DLC1: variants seen among roughly 807,000 people sequenced by gnomAD.
DLC1 encodes DLC1 Rho GTPase activating protein.
In DLC1, 54 loss-of-function variants were observed where a neutral mutation model predicts 140.3. The observed-to-expected ratio is 0.38, with a 90% CI of 0.31 to 0.48. The LOEUF is 0.48. DLC1 is among the 20% of genes least tolerant of loss of function. The pLI is 0.96. For missense variants in DLC1, 2,536 were observed against 1,907.0 expected, an observed-to-expected ratio of 1.33 and a Z score of -6.14; for synonymous variants, 986 against 728.1, an observed-to-expected ratio of 1.35 and a Z score of -5.70.
upstream of DLC1, among the ~76,000 whole-genome samples, chr8:13,516,542 C>A (rs969113548): frequency 6.6e-6 from 1 of 152,050 alleles, no homozygotes; most frequent in Admixed American, 6.6e-5. Flanking sequence ...ATATTAGACC[C>A]ATGTTAGATG....
At chr8:13,093,017 T>C (rs914404839) in intron 12 of DLC1, among the ~76,000 whole-genome samples, 192 bp from the exon 13 acceptor site, 4 of 152,178 alleles carry the variant, frequency 2.6e-5, no homozygotes, top group African/African-American at 7.2e-5. Flanking sequence ...AAGTATTTCC[T>C]GCCTCATGAA....
chr8:13,086,185 C>G, intron 17 of DLC1, 105 bp downstream of exon 17: 1 of 1,456,632 alleles, frequency 6.9e-7, no homozygotes, highest in Non-Finnish European at 9.2e-7. Context: ...ATGAAGTCAC[C>G]AAGAAAAAAT....
chr8:13,243,144 G>A (rs931819020), intron 5 of DLC1, among the ~76,000 whole-genome samples: 7 of 152,032 alleles, frequency 4.6e-5, no homozygotes, highest in African/African-American at 1.4e-4. Flanking sequence ...ACAAAAATTA[G>A]CCAAGCATGG....
intron 5 of DLC1, among the ~76,000 whole-genome samples, chr8:13,172,103 A>C (rs1825518155): frequency 6.6e-6 from 1 of 152,238 alleles, no homozygotes; most frequent in South Asian, 2.1e-4. Context: ...TTCTTACGAT[A>C]ACAAAACATT....
intron 4 of DLC1, among the ~76,000 whole-genome samples, chr8:13,359,456 A>G (rs1835117792): frequency 6.6e-6 from 1 of 152,150 alleles, no homozygotes. Flanking sequence ...TCTGCTAATA[A>G]TATGCACCTG....
intron 5 of DLC1, among the ~76,000 whole-genome samples, chr8:13,135,004 G>C (rs1280266846): frequency 1.3e-5 from 2 of 152,118 alleles, no homozygotes; most frequent in Non-Finnish European, 2.9e-5. Context: ...GAGGGCCCAG[G>C]AAATGGAGAT....
At chr8:13,086,136 C>T in intron 17 of DLC1, 154 bp downstream of exon 17, 1 of 1,333,806 alleles carries the variant, frequency 7.5e-7, no homozygotes, top group Non-Finnish European at 1.0e-6. Flanking sequence ...GCTGAAAGAC[C>T]AACAAACATG....
intron 1 of DLC1, among the ~76,000 whole-genome samples, chr8:13,544,995 C>T (rs935049087): frequency 6.6e-6 from 1 of 152,110 alleles, no homozygotes; most frequent in Non-Finnish European, 1.5e-5. Context: ...TGGAACTGTG[C>T]AGTACTGCAG....
intron 2 of DLC1, among the ~76,000 whole-genome samples, chr8:13,427,798 T>C (rs960830725): frequency 9.2e-5 from 14 of 152,206 alleles, no homozygotes; most frequent in Admixed American, 8.5e-4. Flanking sequence ...ATTGCATGCT[T>C]TTATTCTGAG....
At chr8:13,531,926 A>G (rs1468557829) in intron 1 of DLC1, among the ~76,000 whole-genome samples, 2 of 152,222 alleles carry the variant, frequency 1.3e-5, no homozygotes, top group African/African-American at 4.8e-5. Context: ...ATCCACTTAC[A>G]GAACTTTAAC....
rs138075719 is a variant in DLC1, at chr8:13,388,603, G to A, written c.1314+4950C>T. ...TATAGTTAAGAATTATTCAACACAG[G>A]CTTTTTGAAAATAACATCAAAATAA... On this transcript the variant is annotated intron_variant, in intron 4 of 17. Transcript: ENST00000276297. Among the ~76,000 whole-genome samples the A allele has an allele frequency of 2.7e-3, 404 of 151,922 alleles. 10 individuals carry two copies. Among genetic ancestry groups the A allele is most frequent in the Admixed American group, 0.016 (251 of 15,248 alleles).
At position 13,304,861 on chromosome 8, in the gene DLC1, G is replaced by C. The variant is rs1354095617; in HGVS notation, c.1348+408C>G. On this transcript the variant is annotated intron_variant, in intron 5 of 17. Coordinates refer to ENST00000276297, the MANE Select transcript of DLC1 (RefSeq NM_182643.3). Reference sequence around the variant, plus strand: ...TTGCTTCATCACTATATTTTTGATAGTATGGCATCAGCTTTAAGCATCAAT... The same window carrying C: ...TTGCTTCATCACTATATTTTTGATACTATGGCATCAGCTTTAAGCATCAAT... 15 of 986,730 alleles carry C rather than the reference G, an allele frequency of 1.5e-5. 1 individual carries two copies. The highest frequency in any genetic ancestry group is 1.2e-4 in the African/African-American group (7 of 57,192). The allele number at this position is 986,730 out of a possible 1,614,324, so 61.1% of individuals were successfully genotyped here. A position where few individuals can be genotyped will look rare whatever the true frequency, so the allele number is the denominator to read the frequency against.
At chr8:13,567,512 A>G (rs1168255329) in intron 1 of DLC1, 3 of 1,552,040 alleles carry the variant, frequency 1.9e-6, no homozygotes, top group East Asian at 4.9e-5. Context: ...GAACTTTTGA[A>G]CAGAATCTAC....
chr8:13,253,484 G>C (rs780731718), intron 5 of DLC1, among the ~76,000 whole-genome samples: 2 of 152,040 alleles, frequency 1.3e-5, no homozygotes, highest in Non-Finnish European at 2.9e-5. Context: ...ATGTGCATAG[G>C]TGTATGCACA....
chr8:13,413,053 C>T (rs73553456), intron 2 of DLC1, among the ~76,000 whole-genome samples: 5,316 of 151,948 alleles, frequency 0.035, 305 homozygotes, highest in African/African-American at 0.12. Context: ...AGTCTGGTGT[C>T]CTTGTGCGGG....
chr8:13,291,179 G>T (rs1371711381), intron 5 of DLC1, among the ~76,000 whole-genome samples: 6 of 152,218 alleles, frequency 3.9e-5, no homozygotes, highest in Admixed American at 6.5e-5. Context: ...AAAGTGCTGG[G>T]ATTACAGGCA....
At position 13,454,336 on chromosome 8, in the gene DLC1, GA is replaced by G. The variant is rs892007111; in HGVS notation, c.1023+44712del. 2.8e-3 allele frequency among the ~76,000 whole-genome samples: 416 copies of G among 151,228 alleles called. 2 individuals carry two copies. Among genetic ancestry groups the G allele is most frequent in the African/African-American group, 8.6e-3 (355 of 41,202 alleles). ...TTCTTGGTTGAAACATCTCTTAGGGGAAAAAAAAAGTTCCTGTCTTCCTAAA... is the reference window on the plus strand; with the variant it reads ...TTCTTGGTTGAAACATCTCTTAGGGGAAAAAAAAGTTCCTGTCTTCCTAAA... On this transcript the variant is annotated intron_variant, in intron 2 of 17. Transcript: ENST00000276297.
intron 1 of DLC1, among the ~76,000 whole-genome samples, chr8:13,539,247 T>A (rs960295185): frequency 6.6e-6 from 1 of 152,082 alleles, no homozygotes; most frequent in Non-Finnish European, 1.5e-5. Context: ...TTGCCCAGGC[T>A]GGAGTGCAGT....
chr8:13,590,513 G>C (rs777479925), intron 1 of DLC1, among the ~76,000 whole-genome samples: 1 of 152,058 alleles, frequency 6.6e-6, no homozygotes, highest in Non-Finnish European at 1.5e-5. Flanking sequence ...GATGCTGAGA[G>C]GAAGACACCA....
Sources: allele counts gnomAD v4.1 joint callset (sites outside exome capture counted in the v4.1 genomes callset), GRCh38; gene constraint gnomAD v4.1.1; transcripts MANE v1.5; gene names NCBI Gene and HGNC (gene_info 2026-07-23, HGNC 2026-07-21).